Variants in MAML3 observed in about 807,000 individuals in gnomAD.
MAML3 encodes mastermind-like protein 3.
MAML3 carries 27 observed loss-of-function variants against 101.9 expected under a neutral mutation model. That is an observed-to-expected ratio of 0.27 (90% CI 0.20 to 0.37). The LOEUF (loss-of-function observed/expected upper bound fraction) is 0.37, where lower values mean the gene tolerates loss of function less well. Among genes scored for constraint, MAML3 ranks in the 10% least tolerant of loss-of-function variants. The pLI, the probability that MAML3 is intolerant of heterozygous loss-of-function variation, is 1.00. For synonymous variants in MAML3, 501 were observed against 555.9 expected (o/e 0.90, Z 1.39); for missense variants, 1,316 against 1,444.9 (o/e 0.91, Z 1.45).
intron 1 of MAML3, among the ~76,000 whole-genome samples, chr4:139,941,476 G>A (rs1465621382): frequency 2.6e-5 from 4 of 152,134 alleles, no homozygotes; most frequent in African/African-American, 9.7e-5. Context: ...TCATGTTGTA[G>A]CCTAATTCTG....
Position 139,810,284 on chromosome 4 carries a change from C to T in MAML3, c.2079+79073G>A, listed in dbSNP as rs561191936. The stretch of plus-strand genomic sequence containing the variant: ...CATAGCTCGCTGCAGCCTCAAACTC[C>T]TGGGCTCAAGTGATACTCTGGCCTC... On this transcript the variant is annotated intron_variant, in intron 2 of 4. Transcript: ENST00000509479. Among the ~76,000 whole-genome samples the T allele has an allele frequency of 1.7e-3, 257 of 150,528 alleles. 2 individuals are homozygous for T. The highest frequency in any genetic ancestry group is 5.1e-3 in the African/African-American group (207 of 40,856).
chr4:140,054,197 C>G (rs1407535546), intron 1 of MAML3, among the ~76,000 whole-genome samples: 2 of 151,852 alleles, frequency 1.3e-5, no homozygotes, highest in African/African-American at 4.8e-5. Flanking sequence ...TGGTGAAACC[C>G]CATTTCTACT....
chr4:139,881,471 T>A (rs1732216918), intron 2 of MAML3, among the ~76,000 whole-genome samples: 1 of 152,092 alleles, frequency 6.6e-6, no homozygotes, highest in Non-Finnish European at 1.5e-5. Flanking sequence ...GAAAACAATC[T>A]ACAAACATTG....
chr4:139,863,011 G>C (rs1318281614), intron 2 of MAML3, among the ~76,000 whole-genome samples: 1 of 151,880 alleles, frequency 6.6e-6, no homozygotes, highest in African/African-American at 2.4e-5. Flanking sequence ...TTAGCTGGGC[G>C]TGGTGGCAGG....
At chr4:139,866,583 A>C (rs1415602836) in intron 2 of MAML3, among the ~76,000 whole-genome samples, 1 of 152,138 alleles carries the variant, frequency 6.6e-6, no homozygotes, top group East Asian at 1.9e-4. Flanking sequence ...CCAAGATGGA[A>C]TCTATTTGCG....
chr4:139,739,029 T>G (rs1209625228), intron 2 of MAML3, among the ~76,000 whole-genome samples: 1 of 152,150 alleles, frequency 6.6e-6, no homozygotes, highest in Non-Finnish European at 1.5e-5. Flanking sequence ...GCTTTTAAGC[T>G]CCTTTGGGAC....
chr4:139,792,088 T>C (rs1455960751), intron 2 of MAML3, among the ~76,000 whole-genome samples: 1 of 152,230 alleles, frequency 6.6e-6, no homozygotes, highest in South Asian at 2.1e-4. Flanking sequence ...AACAAATCAA[T>C]TTAACTCAAT....
At chr4:139,921,417 T>G (rs1733128356) in intron 1 of MAML3, among the ~76,000 whole-genome samples, 2 of 152,174 alleles carry the variant, frequency 1.3e-5, no homozygotes, top group Non-Finnish European at 2.9e-5. Flanking sequence ...TCTCACAGCC[T>G]TCTTTCACAA....
chr4:140,055,976 A>C (rs1367814048), intron 1 of MAML3, among the ~76,000 whole-genome samples: 5 of 152,230 alleles, frequency 3.3e-5, no homozygotes, highest in African/African-American at 1.2e-4. Flanking sequence ...AAAGAAAAGC[A>C]CATGGAAAGA....
At chr4:139,772,665 C>T (rs990025898) in intron 2 of MAML3, among the ~76,000 whole-genome samples, 1 of 151,938 alleles carries the variant, frequency 6.6e-6, no homozygotes, top group Non-Finnish European at 1.5e-5. Context: ...ACATTATTGG[C>T]CCTCCATTAA....
intron 1 of MAML3, among the ~76,000 whole-genome samples, chr4:140,069,348 GAGAAGGAGAAGGAGA>G (rs528862988): frequency 0.044 from 5,086 of 114,298 alleles, 170 homozygotes; most frequent in South Asian, 0.14. Flanking sequence ...GAAGGAGAAG[GAGAAGGAGAAGGAGA>G]AGAAGAAGAA....
intron 1 of MAML3, among the ~76,000 whole-genome samples, chr4:140,145,816 G>A (rs1438787612): frequency 2.0e-5 from 3 of 149,976 alleles, no homozygotes; most frequent in Non-Finnish European, 4.4e-5. Flanking sequence ...TGCCCGCTCG[G>A]CCTCCCAAAG....
chr4:139,974,793 G>C (rs1337652400), intron 1 of MAML3, among the ~76,000 whole-genome samples: 2 of 152,162 alleles, frequency 1.3e-5, no homozygotes, highest in Admixed American at 6.5e-5. Context: ...GGTCAGAGAA[G>C]AGAGAGATCA....
intron 1 of MAML3, among the ~76,000 whole-genome samples, chr4:139,963,407 C>T (rs1734061543): frequency 6.6e-6 from 1 of 152,158 alleles, no homozygotes; most frequent in Admixed American, 6.5e-5. Context: ...GGTCCACAGA[C>T]CATAGTTTGA....
At chr4:140,133,517 G>GA (rs1728831588) in intron 1 of MAML3, among the ~76,000 whole-genome samples, 1 of 152,080 alleles carries the variant, frequency 6.6e-6, no homozygotes, top group Non-Finnish European at 1.5e-5. Context: ...GAATGTAAAC[G>GA]AAGCACCCTA....
intron 2 of MAML3, among the ~76,000 whole-genome samples, chr4:139,766,672 C>T (rs897512813): frequency 2.0e-5 from 3 of 152,162 alleles, no homozygotes; most frequent in East Asian, 3.9e-4. Context: ...CTTCTTCTCC[C>T]GACAACTCCA....
At chr4:139,802,514 A>C (rs143773977) in intron 2 of MAML3, among the ~76,000 whole-genome samples, 34 of 152,192 alleles carry the variant, frequency 2.2e-4, no homozygotes, top group Middle Eastern at 3.4e-3. Context: ...ACTTCTCTAT[A>C]TTTTCCTCTA....
At chr4:139,902,666 G>A (rs736351) in intron 1 of MAML3, among the ~76,000 whole-genome samples, 48,959 of 152,080 alleles carry the variant, frequency 0.32, 8,671 homozygotes, top group South Asian at 0.57. Flanking sequence ...CAGAGCTCTG[G>A]AGCCTGGCGG....
chr4:139,941,760 G>A (rs1733601988), intron 1 of MAML3, among the ~76,000 whole-genome samples: 1 of 152,128 alleles, frequency 6.6e-6, no homozygotes. Flanking sequence ...GCGCCCGATG[G>A]TCTAATATGC....
Sources: gnomAD v4.1 joint callset for allele counts (sites outside exome capture counted in the v4.1 genomes callset) on GRCh38, gnomAD v4.1.1 for gene constraint, MANE v1.5 for transcripts, NCBI Gene and HGNC (gene_info 2026-07-23, HGNC 2026-07-21) for gene names.